Variants in NOL9 observed in about 807,000 individuals in gnomAD.
The protein encoded by NOL9 is polynucleotide 5'-hydroxyl-kinase NOL9.
In NOL9, 28 loss-of-function variants were observed where a neutral mutation model predicts 67.9. That is an observed-to-expected ratio of 0.41 (90% CI 0.31 to 0.57). The LOEUF is 0.57. Ranked by LOEUF, NOL9 falls within the 20% of genes least tolerant of loss-of-function variation. The pLI is 0.25. For missense variants in NOL9, 777 were observed against 897.0 expected (o/e 0.87, Z 1.71); for synonymous variants, 356 against 352.2 (o/e 1.01, Z -0.12).
chr1:6,533,585 T>A (rs1639082901), intron 6 of NOL9, 144 bp from the exon 7 acceptor site: 3 of 519,880 alleles, frequency 5.8e-6, no homozygotes, highest in Non-Finnish European at 9.5e-6. Context: ...ACAGGAACAC[T>A]CTAATTCCAT....
In NOL9 at chr1:6,532,147, T is replaced by C; in HGVS notation, c.1536-68A>G. ...CAACGGCCACCTCCCACACCTGTCA[T>C]CACAGAGGTCACATTTTCACAGAGT... is the stretch of plus-strand genomic sequence containing the variant. On this transcript the variant is annotated intron_variant, in intron 8 of 11. Transcript: ENST00000377705. The C allele has an allele frequency of 6.0e-6, 7 of 1,159,514 alleles. No homozygotes were observed. In the South Asian group the frequency reaches 8.7e-5, roughly 14 times the overall value. The allele number at this position is 1,159,514 out of a possible 1,614,324, so 71.8% of individuals were successfully genotyped here.
intron 1 of NOL9, 126 bp from the exon 2 acceptor site, chr1:6,550,741 T>C: frequency 1.5e-6 from 1 of 680,444 alleles, no homozygotes; most frequent in Non-Finnish European, 2.4e-6. Flanking sequence ...TGGAGTACAA[T>C]GGCACAATCT....
At position 6,526,840 on chromosome 1, in the gene NOL9, C is replaced by T. The variant is rs762847107; in HGVS notation, c.1826-11G>A. Reference sequence around the variant, plus strand: ...TGCCTCTACAGATGCCTTCAAGACACGCGCACAACACAAAAATCACCCTTT... The same window carrying T: ...TGCCTCTACAGATGCCTTCAAGACATGCGCACAACACAAAAATCACCCTTT... On this transcript the variant is annotated splice_polypyrimidine_tract_variant and intron_variant, in intron 10 of 11. Coordinates refer to ENST00000377705, the MANE Select transcript of NOL9 (RefSeq NM_024654.5). 4.6e-5 allele frequency: 73 copies of T among 1,573,384 alleles called. No homozygotes were observed. The East Asian group carries it at 4.7e-4, about 10-fold the overall frequency.
chr1:6,547,996 G>T (rs1639455515), intron 3 of NOL9: 1 of 303,586 alleles, frequency 3.3e-6, no homozygotes, highest in Non-Finnish European at 6.6e-6. Context: ...CTACAATACA[G>T]GCTCTAACAA....
At chr1:6,548,998 C>T (rs1490532871) in intron 3 of NOL9, among the ~76,000 whole-genome samples, 2 of 152,154 alleles carry the variant, frequency 1.3e-5, no homozygotes, top group African/African-American at 4.8e-5. Context: ...AGAAGAATCA[C>T]TTCATCCCGG....
At chr1:6,552,244 C>T (rs961297345) in intron 1 of NOL9, among the ~76,000 whole-genome samples, 2 of 152,062 alleles carry the variant, frequency 1.3e-5, no homozygotes, top group East Asian at 3.9e-4. Context: ...CATTTAACTA[C>T]GTAATAAATC....
At chr1:6,533,258 A>G in intron 7 of NOL9, 22 bp downstream of exon 7, 2 of 1,556,848 alleles carry the variant, frequency 1.3e-6, no homozygotes, top group Non-Finnish European at 1.7e-6. Context: ...CTTCCCTTGC[A>G]GATGTGCACA....
At chr1:6,550,683 C>CTT (rs34186512) in intron 1 of NOL9, 68 bp from the exon 2 acceptor site, 39,216 of 594,506 alleles carry the variant, frequency 0.066, 695 homozygotes, top group Admixed American at 0.17. Context: ...ATTCTAAAAT[C>CTT]TTTTTTTTTT....
At chr1:6,545,543 C>G (rs1202086541) in intron 3 of NOL9, among the ~76,000 whole-genome samples, 1 of 152,150 alleles carries the variant, frequency 6.6e-6, no homozygotes, top group African/African-American at 2.4e-5. Flanking sequence ...AAAGCAAAAA[C>G]ACACGGACAG....
At chr1:6,531,850 T>G in intron 9 of NOL9, 118 bp downstream of exon 9, 1 of 759,924 alleles carries the variant, frequency 1.3e-6, no homozygotes, top group Non-Finnish European at 2.3e-6. Flanking sequence ...GTCACTGGGA[T>G]GTTCTGAGGA....
At chr1:6,533,946 G>A (rs1032372451) in intron 6 of NOL9, among the ~76,000 whole-genome samples, 2 of 151,342 alleles carry the variant, frequency 1.3e-5, no homozygotes, top group African/African-American at 4.9e-5. Context: ...GGACTGCAAT[G>A]GTGCGATCTT....
At position 6,554,512 on chromosome 1, in the gene NOL9, T is replaced by C. The variant is rs1639628800; in HGVS notation, c.-10A>G. On this transcript the variant is annotated 5_prime_UTR_variant, in exon 1 of 12. Transcript: ENST00000377705. ...GTCCCGAGTCCGCCATGCTGGGTCC[T>C]CAGGGCCTACCGCGCGAGAATCTCG... 5.9e-6 allele frequency: 9 copies of C among 1,516,586 alleles called. No homozygotes were observed. The highest frequency in any genetic ancestry group is 1.4e-5 in the African/African-American group (1 of 69,700). 93.9% of individuals were successfully genotyped at this position (1,516,586 alleles called of 1,614,324 possible).
At chr1:6,536,396 G>T (rs1487718421) in intron 6 of NOL9, among the ~76,000 whole-genome samples, 6 of 151,992 alleles carry the variant, frequency 3.9e-5, no homozygotes, top group Non-Finnish European at 8.8e-5. Context: ...GACAGGTGTG[G>T]TGGCTAATAA....
Position 6,532,028 on chromosome 1 carries a change from G to A in NOL9, c.1587C>T (p.Ser529=). The A allele has an allele frequency of 6.2e-7, 1 of 1,614,160 alleles. No homozygotes were observed. The highest frequency in any genetic ancestry group is 1.6e-4 in the Middle Eastern group (1 of 6,062). ...GTTTGGGCATCGGGGGCTGCAGCTGGCTAAGGTAACTCAAGATGGACAGAT... is the reference window on the plus strand; with the variant it reads ...GTTTGGGCATCGGGGGCTGCAGCTGACTAAGGTAACTCAAGATGGACAGAT... The part of the protein sequence containing the change: ...LRDLSILSYL[S]QLQPPMPKPL... Residue 529 remains serine, a synonymous_variant, in exon 9 of 12, where the codon AGC becomes AGT. Transcript: ENST00000377705.
chr1:6,530,111 G>A (rs908021925), intron 9 of NOL9, among the ~76,000 whole-genome samples: 1 of 152,024 alleles, frequency 6.6e-6, no homozygotes, highest in Admixed American at 6.6e-5. Flanking sequence ...AGGTGAAAGA[G>A]AGAGACTCTG....
intron 1 of NOL9, among the ~76,000 whole-genome samples, chr1:6,552,245 G>A (rs1252851892): frequency 2.6e-5 from 4 of 152,040 alleles, no homozygotes; most frequent in African/African-American, 7.2e-5. Flanking sequence ...ATTTAACTAC[G>A]TAATAAATCT....
intron 1 of NOL9, 31 bp downstream of exon 1, chr1:6,554,076 T>C: frequency 6.6e-7 from 1 of 1,504,256 alleles, no homozygotes; most frequent in African/African-American, 1.5e-5. Flanking sequence ...CTCCCTGCCC[T>C]CGGGGACTAC....
At chr1:6,538,985 C>CA (rs1181672559) in intron 6 of NOL9, among the ~76,000 whole-genome samples, 11 of 151,594 alleles carry the variant, frequency 7.3e-5, no homozygotes, top group Admixed American at 5.3e-4. Flanking sequence ...AACAAACGAA[C>CA]AAAAAAAACA....
At chr1:6,547,118 G>A (rs369760560) in intron 3 of NOL9, among the ~76,000 whole-genome samples, 2 of 152,188 alleles carry the variant, frequency 1.3e-5, no homozygotes, top group Non-Finnish European at 2.9e-5. Flanking sequence ...GAGTGCCCCA[G>A]GGCTCAGAGC....
Sources: allele counts gnomAD v4.1 joint callset (sites outside exome capture counted in the v4.1 genomes callset), GRCh38; gene constraint gnomAD v4.1.1; transcripts MANE v1.5; gene names NCBI Gene and HGNC (gene_info 2026-07-23, HGNC 2026-07-21).